The following STOX2 variants were observed in gnomAD, a reference collection of about 807,000 sequenced individuals.
STOX2 encodes storkhead-box protein 2.
A neutral mutation model predicts 60.9 loss-of-function variants in STOX2; 28 were observed. The observed-to-expected ratio is 0.46, with a 90% CI of 0.34 to 0.63. STOX2 has a LOEUF of 0.63. STOX2 is among the 30% of genes least tolerant of loss of function. The probability of loss-of-function intolerance (pLI) is 0.01; values close to 1 mark genes in which losing one functional copy is unlikely to be tolerated. For synonymous variants in STOX2, 472 were observed against 463.9 expected (o/e 1.02, Z -0.22); for missense variants, 1,024 against 1,187.7 (o/e 0.86, Z 2.03).
chr4:183,913,244 A>G (rs1044031399), intron 1 of STOX2, among the ~76,000 whole-genome samples: 11 of 152,194 alleles, frequency 7.2e-5, no homozygotes, highest in African/African-American at 2.7e-4. Context: ...TAACTCTGGG[A>G]TGTAACCAGA....
At chr4:183,943,098 A>G (rs971915067) in intron 1 of STOX2, among the ~76,000 whole-genome samples, 1 of 152,210 alleles carries the variant, frequency 6.6e-6, no homozygotes, top group Non-Finnish European at 1.5e-5. Flanking sequence ...ATTCAGATAA[A>G]AGTTTAGGCT....
rs1258199136 is a variant in STOX2, at chr4:184,001,810, T to C, written c.319+333T>C. 1.3e-5 allele frequency among the ~76,000 whole-genome samples: 2 copies of C among 152,190 alleles called. No homozygotes were observed. The highest frequency in any genetic ancestry group is 2.9e-5 in the Non-Finnish European group (2 of 68,044). ...TACATGAACGTGAGGGTTCAACGGC[T>C]GAAAACTTTAGTCCTAGGGAGTTAA... On this transcript the variant is annotated intron_variant, in intron 2 of 3. Coordinates refer to ENST00000308497, the MANE Select transcript of STOX2 (RefSeq NM_020225.3). This position sits in a 1 kb window ranked among gnomAD's most constrained non-coding sequence, Gnocchi z 4.2.
intron 1 of STOX2, among the ~76,000 whole-genome samples, chr4:183,996,786 T>G (rs1479939474): frequency 6.6e-6 from 1 of 152,210 alleles, no homozygotes. Flanking sequence ...AATAGTTGTG[T>G]TATAAAGTTA....
At chr4:183,930,203 T>C (rs1742380478) in intron 1 of STOX2, among the ~76,000 whole-genome samples, 1 of 149,270 alleles carries the variant, frequency 6.7e-6, no homozygotes, top group Admixed American at 6.7e-5. Context: ...TCTTACCCTG[T>C]CATCCAGGCT....
At chr4:183,928,277 C>T (rs1156944524) in intron 1 of STOX2, among the ~76,000 whole-genome samples, 2 of 152,156 alleles carry the variant, frequency 1.3e-5, no homozygotes, top group African/African-American at 4.8e-5. Flanking sequence ...CTCCCCAGAG[C>T]TGCCCACGAA....
intron 1 of STOX2, among the ~76,000 whole-genome samples, chr4:183,926,133 C>T (rs187515851): frequency 9.1e-4 from 138 of 152,052 alleles, no homozygotes; most frequent in African/African-American, 3.1e-3. Flanking sequence ...TATATGAGAA[C>T]AGATGTGTTT....
chr4:183,848,431 A>G (rs1054386565), intron 1 of STOX2, among the ~76,000 whole-genome samples: 1 of 152,216 alleles, frequency 6.6e-6, no homozygotes, highest in Non-Finnish European at 1.5e-5. Context: ...AAGACTTCTT[A>G]TATTTCATTA....
chr4:183,850,975 G>GGAAACGATGAGGGAAAGGATGAGA (rs1740110274), intron 1 of STOX2, among the ~76,000 whole-genome samples: 1 of 64,894 alleles, frequency 1.5e-5, no homozygotes, highest in African/African-American at 5.2e-5. Flanking sequence ...AAAGGATGAG[G>GGAAACGATGAGGGAAAGGATGAGA]GAAACGATGA....
chr4:184,014,332 A>G (rs768316124), intron 3 of STOX2: 13 of 152,178 alleles, frequency 8.5e-5, no homozygotes, highest in Non-Finnish European at 1.6e-4. Context: ...TGACGTGAGA[A>G]GCCTGTGATT....
Position 184,006,603 on chromosome 4 carries a change from C to T in STOX2, c.320-2555C>T, listed in dbSNP as rs548299190. Among the ~76,000 whole-genome samples, 8 of 147,572 alleles carry T rather than the reference C, an allele frequency of 5.4e-5. No homozygotes were observed. In the East Asian group the frequency reaches 1.6e-3, roughly 29 times the overall value. On this transcript the variant is annotated intron_variant, in intron 2 of 3. Coordinates refer to ENST00000308497, the MANE Select transcript of STOX2 (RefSeq NM_020225.3). Reference sequence around the variant, plus strand: ...TCGAAAAACTGAGGTGGGAGGATCACCTGAGCCTGGGGAAGTTGAGGCTGC... The same window carrying T: ...TCGAAAAACTGAGGTGGGAGGATCATCTGAGCCTGGGGAAGTTGAGGCTGC...
chr4:183,822,214 A>C (rs969373003), intron 1 of STOX2, among the ~76,000 whole-genome samples: 1 of 152,228 alleles, frequency 6.6e-6, no homozygotes, highest in African/African-American at 2.4e-5. Context: ...TGAGCTTTTA[A>C]AAAGCTACTG....
intron 1 of STOX2, among the ~76,000 whole-genome samples, chr4:183,823,698 C>T (rs1321313348): frequency 1.3e-5 from 2 of 152,210 alleles, no homozygotes; most frequent in Admixed American, 1.3e-4. Context: ...AAAGGGCTGT[C>T]ACACTTCCCA....
intron 1 of STOX2, among the ~76,000 whole-genome samples, chr4:183,808,551 A>G (rs979128126): frequency 6.6e-6 from 1 of 152,224 alleles, no homozygotes; most frequent in East Asian, 1.9e-4. Flanking sequence ...GAAAGTCTTT[A>G]ATCGTTAGTA....
At chr4:183,899,374 G>A (rs1560870885) in intron 1 of STOX2, among the ~76,000 whole-genome samples, 1 of 152,250 alleles carries the variant, frequency 6.6e-6, no homozygotes, top group Non-Finnish European at 1.5e-5. Flanking sequence ...CCAAAGCTGA[G>A]ATGGGCTAAA....
intron 1 of STOX2, among the ~76,000 whole-genome samples, chr4:183,988,933 C>T (rs1732965076): frequency 6.6e-6 from 1 of 152,160 alleles, no homozygotes; most frequent in Admixed American, 6.5e-5. Flanking sequence ...CTGTTCCGCT[C>T]CTCCCGCAGC....
rs188798143 is a variant in STOX2, at chr4:183,923,346, A to G, written c.166+16390A>G. 2.4e-3 allele frequency among the ~76,000 whole-genome samples: 371 copies of G among 152,258 alleles called. 2 individuals are homozygous for G. Among genetic ancestry groups the G allele is most frequent in the Non-Finnish European group, 4.0e-3 (274 of 68,016 alleles). ...TCCTAATGGATGTGTGTTCTTAGTC[A>G]TGTATGTTATGAAGTACACTCATAG... On this transcript the variant is annotated intron_variant, in intron 1 of 3. Coordinates refer to ENST00000308497, the MANE Select transcript of STOX2 (RefSeq NM_020225.3).
Position 183,915,540 on chromosome 4 carries a change from C to T in STOX2, c.166+8584C>T, listed in dbSNP as rs536499909. Among the ~76,000 whole-genome samples the T allele has an allele frequency of 4.7e-4, 72 of 152,194 alleles. No individual in the cohort carries two copies. In the South Asian group the frequency reaches 8.9e-3, roughly 19 times the overall value. On this transcript the variant is annotated intron_variant, in intron 1 of 3. Coordinates refer to ENST00000308497, the MANE Select transcript of STOX2 (RefSeq NM_020225.3). ...AAAGATAGGTTCAAGTCCTAACCCCCGGTACCTGCGAATATGCCCTTATTT... is the reference window on the plus strand; with the variant it reads ...AAAGATAGGTTCAAGTCCTAACCCCTGGTACCTGCGAATATGCCCTTATTT...
In STOX2 at chr4:183,839,049, G is replaced by GCACACACACACA. The variant is rs369296969; in HGVS notation, c.364+41005_364+41016dup. ...CACACACACACACACAGGTACACAT[G>GCACACACACACA]CACACACACACACACACACACAGAG... On this transcript the variant is annotated intron_variant, in intron 1 of 2. Transcript: ENST00000513034. 4.7e-5 allele frequency among the ~76,000 whole-genome samples: 7 copies of GCACACACACACA among 148,660 alleles called. No individual in the cohort carries two copies. The East Asian group carries it at 9.9e-4, about 21-fold the overall frequency.
At chr4:183,997,688 A>G (rs1216242978) in intron 1 of STOX2, among the ~76,000 whole-genome samples, 1 of 152,132 alleles carries the variant, frequency 6.6e-6, no homozygotes, top group South Asian at 2.1e-4. Flanking sequence ...TGTAGACAGG[A>G]TTGCTGATGG....
Sources: gnomAD v4.1 joint callset for allele counts (sites outside exome capture counted in the v4.1 genomes callset) on GRCh38, gnomAD v4.1.1 for gene constraint, Gnocchi (gnomAD v3.1) non-coding constraint, MANE v1.5 for transcripts, NCBI Gene and HGNC (gene_info 2026-07-23, HGNC 2026-07-21) for gene names.